SNX1: variants seen among roughly 807,000 people sequenced by gnomAD.
The protein encoded by SNX1 is sorting nexin-1.
SNX1 carries 36 observed loss-of-function variants against 71.8 expected under a neutral mutation model. The ratio of observed to expected loss-of-function variants is 0.50; its 90% CI spans 0.38 to 0.66. The LOEUF (loss-of-function observed/expected upper bound fraction) is 0.66. SNX1 is among the 30% of genes least tolerant of loss of function. SNX1 has a pLI of 0.00. For synonymous variants in SNX1, 254 were observed against 240.7 expected (o/e 1.06, Z -0.51); for missense variants, 612 against 646.7 (o/e 0.95, Z 0.58).
chr15:64,119,639 G>A (rs888805983), intron 4 of SNX1, among the ~76,000 whole-genome samples: 14 of 151,500 alleles, frequency 9.2e-5, no homozygotes, highest in African/African-American at 2.2e-4. Context: ...CCAGAGAATC[G>A]CTTGAACCCG....
intron 1 of SNX1, among the ~76,000 whole-genome samples, chr15:64,105,524 T>C (rs2081011619): frequency 6.6e-6 from 1 of 152,260 alleles, no homozygotes; most frequent in Non-Finnish European, 1.5e-5. Flanking sequence ...GCTCAACTTT[T>C]TCTGGCTTAT....
intron 4 of SNX1, among the ~76,000 whole-genome samples, chr15:64,120,436 C>T (rs747076550): frequency 2.6e-5 from 4 of 151,882 alleles, no homozygotes; most frequent in Non-Finnish European, 4.4e-5. Context: ...CCATGCCTGG[C>T]TAATTTTTTT....
intron 8 of SNX1, among the ~76,000 whole-genome samples, chr15:64,128,887 T>C (rs2081279262): frequency 6.6e-6 from 1 of 152,008 alleles, no homozygotes; most frequent in African/African-American, 2.4e-5. Flanking sequence ...TCCCCAGTTA[T>C]AACAACCACA....
chr15:64,136,911 A>G lies in SNX1; in HGVS notation c.1497A>G (p.Thr499=), dbSNP rs758495045. 6.8e-6 allele frequency: 11 copies of G among 1,613,706 alleles called. No homozygotes were observed. The East Asian group carries it at 2.5e-4, about 36-fold the overall frequency. ...FKNHVIKYLE[T]LLYSQQQLAK... ...ACCACGTGATCAAGTACCTTGAGAC[A>G]CTCCTTTACTCACAGCAGCAGGTAT... The change falls in exon 14 of 15, where the codon ACA becomes ACG. Residue 499 remains threonine (T), a synonymous_variant. Coordinates refer to ENST00000559844, the MANE Select transcript of SNX1 (RefSeq NM_003099.5).
In SNX1 at chr15:64,134,736, G is replaced by A; in HGVS notation, c.1294G>A (p.Glu432Lys). The change falls in exon 12 of 15, where the codon GAG becomes AAG. Residue 432 changes from glutamate to lysine, a missense_variant. Coordinates refer to ENST00000559844, the MANE Select transcript of SNX1 (RefSeq NM_003099.5). The surrounding 1 kb of genome is among the most constrained non-coding windows in gnomAD (Gnocchi z 4.1). ...CCAAGCCACACTGCAGAAGAAGCGG[G>A]AGGCCGAGGCTCGGCTGCTGTGGGC... ...DAQATLQKKR[E>K]AEARLLWANK... The A allele has an allele frequency of 6.2e-7, 1 of 1,614,024 alleles. No homozygotes were observed. Among genetic ancestry groups the A allele is most frequent in the South Asian group, 1.1e-5 (1 of 91,082 alleles).
At chr15:64,109,715 CCAGGCTG>C (rs1364672331) in intron 1 of SNX1, among the ~76,000 whole-genome samples, 3 of 152,090 alleles carry the variant, frequency 2.0e-5, no homozygotes, top group Admixed American at 2.0e-4. Context: ...ACCATGTTGG[CCAGGCTG>C]GTCTCAAACT....
intron 4 of SNX1, among the ~76,000 whole-genome samples, chr15:64,121,251 G>A (rs2081193740): frequency 6.6e-6 from 1 of 152,186 alleles, no homozygotes; most frequent in Admixed American, 6.5e-5. Flanking sequence ...CCACAAACTG[G>A]TTAAAACAAC....
At chr15:64,101,081 C>T (rs2080956454) in intron 1 of SNX1, among the ~76,000 whole-genome samples, 1 of 152,144 alleles carries the variant, frequency 6.6e-6, no homozygotes, top group Admixed American at 6.5e-5. Flanking sequence ...GAATTATATG[C>T]GTGAGTCACC....
At chr15:64,123,855 A>G (rs2081220556) in intron 5 of SNX1, among the ~76,000 whole-genome samples, 1 of 152,208 alleles carries the variant, frequency 6.6e-6, no homozygotes, top group African/African-American at 2.4e-5. Context: ...GCCCTAAACC[A>G]TCTTTTAAAA....
chr15:64,127,678 A>G, intron 7 of SNX1, 53 bp from the exon 8 acceptor site: 1 of 1,385,188 alleles, frequency 7.2e-7, no homozygotes. Flanking sequence ...TGTGACGCCC[A>G]GAACCTTCTG....
intron 1 of SNX1, among the ~76,000 whole-genome samples, chr15:64,101,917 G>A (rs922307867): frequency 1.3e-5 from 2 of 152,112 alleles, no homozygotes; most frequent in African/African-American, 2.4e-5. Context: ...ACAAAGAAAT[G>A]ATAAATGTTT....
intron 10 of SNX1, 75 bp from the exon 11 acceptor site, chr15:64,131,612 C>A: frequency 1.4e-6 from 2 of 1,430,798 alleles, no homozygotes; most frequent in African/African-American, 1.4e-5. Flanking sequence ...CTAAGACATG[C>A]CATGCAGTGT....
chr15:64,100,428 T>C (rs2080947116), intron 1 of SNX1, among the ~76,000 whole-genome samples: 1 of 151,970 alleles, frequency 6.6e-6, no homozygotes, highest in Admixed American at 6.6e-5. Context: ...GGTGAAACCC[T>C]GTTTCTACTA....
rs917194787 is a variant in SNX1, at chr15:64,118,916, A to G, written c.466+62A>G. On this transcript the variant is annotated intron_variant, in intron 4 of 14. Coordinates refer to ENST00000559844, the MANE Select transcript of SNX1 (RefSeq NM_003099.5). Reference sequence around the variant, plus strand: ...GTGGCTGTGGAAAGCATAGGTAGCTAATTTCAGGATGGCTACCCCCAGAGT... The same window carrying G: ...GTGGCTGTGGAAAGCATAGGTAGCTGATTTCAGGATGGCTACCCCCAGAGT... The G allele has an allele frequency of 8.1e-5, 105 of 1,297,194 alleles. No homozygotes were observed. The East Asian group carries it at 2.4e-3, about 30-fold the overall frequency. 80.4% of individuals were successfully genotyped at this position (1,297,194 alleles called of 1,614,324 possible). A position where few individuals can be genotyped will look rare whatever the true frequency, so the allele number is the denominator to read the frequency against.
Position 64,123,566 on chromosome 15 carries a change from C to T in SNX1, c.510+20C>T, listed in dbSNP as rs374642007. On this transcript the variant is annotated intron_variant, in intron 5 of 14. Coordinates refer to ENST00000559844, the MANE Select transcript of SNX1 (RefSeq NM_003099.5). Reference sequence around the variant, plus strand: ...ACACAGGTGAGTCCAGGTGACCCTGCTGATGACCATCTTCATAGACTTTGG... The same window carrying T: ...ACACAGGTGAGTCCAGGTGACCCTGTTGATGACCATCTTCATAGACTTTGG... 3.7e-6 allele frequency: 6 copies of T among 1,604,586 alleles called. No individual in the cohort carries two copies. Among genetic ancestry groups the T allele is most frequent in the Non-Finnish European group, 5.1e-6 (6 of 1,171,336 alleles).
At chr15:64,101,251 A>G (rs1276313020) in intron 1 of SNX1, among the ~76,000 whole-genome samples, 1 of 152,238 alleles carries the variant, frequency 6.6e-6, no homozygotes, top group Non-Finnish European at 1.5e-5. Flanking sequence ...TGCAAATCTG[A>G]AACTCTGTAC....
chr15:64,099,221 TTAC>T (rs2080933864), intron 1 of SNX1, among the ~76,000 whole-genome samples: 1 of 152,194 alleles, frequency 6.6e-6, no homozygotes, highest in Non-Finnish European at 1.5e-5. Context: ...TGGTACTTAA[TTAC>T]TCTCTACAGT....
At chr15:64,125,012 C>T (rs948454208) in intron 5 of SNX1, among the ~76,000 whole-genome samples, 1 of 152,134 alleles carries the variant, frequency 6.6e-6, no homozygotes, top group African/African-American at 2.4e-5. Flanking sequence ...GGCCTGCGTC[C>T]TGTGAGCTCT....
chr15:64,115,230 C>G (rs2081116688), intron 2 of SNX1, among the ~76,000 whole-genome samples: 1 of 152,144 alleles, frequency 6.6e-6, no homozygotes, highest in East Asian at 1.9e-4. Flanking sequence ...TTCTAATTTA[C>G]TTCATTCCCC....
Sources: gnomAD v4.1 joint callset for allele counts (sites outside exome capture counted in the v4.1 genomes callset) on GRCh38, gnomAD v4.1.1 for gene constraint, Gnocchi (gnomAD v3.1) non-coding constraint, MANE v1.5 for transcripts, NCBI Gene and HGNC (gene_info 2026-07-23, HGNC 2026-07-21) for gene names.